Variants in PIP4P2 observed in about 807,000 individuals in gnomAD.
The protein encoded by PIP4P2 is type 2 phosphatidylinositol 4,5-bisphosphate 4-phosphatase.
In PIP4P2, 19 loss-of-function variants were observed where a neutral mutation model predicts 33.3. That is an observed-to-expected ratio of 0.57 (90% CI 0.40 to 0.84). The LOEUF (loss-of-function observed/expected upper bound fraction) is 0.84. Among genes scored for constraint, PIP4P2 ranks in the 40% least tolerant of loss-of-function variants. The pLI is 0.00. For synonymous variants in PIP4P2, 110 were observed against 111.9 expected, an observed-to-expected ratio of 0.98 and a Z score of 0.11; for missense variants, 270 against 324.7, an observed-to-expected ratio of 0.83 and a Z score of 1.29.
chr8:91,022,109 T>G (rs1186063120), intron 1 of PIP4P2, among the ~76,000 whole-genome samples: 1 of 152,140 alleles, frequency 6.6e-6, no homozygotes, highest in Non-Finnish European at 1.5e-5. Context: ...AAATGTAGTA[T>G]GTGGGATTAA....
intron 1 of PIP4P2, among the ~76,000 whole-genome samples, chr8:91,032,780 C>CAA (rs34482470): frequency 2.1e-4 from 21 of 98,632 alleles, no homozygotes; most frequent in African/African-American, 4.5e-4. Flanking sequence ...GAGTCTGTCT[C>CAA]AAAAAAAAAA....
intron 4 of PIP4P2, among the ~76,000 whole-genome samples, chr8:91,011,517 A>G (rs1811837055): frequency 6.6e-6 from 1 of 152,056 alleles, no homozygotes; most frequent in Admixed American, 6.6e-5. Context: ...AAATGTTTGG[A>G]CATACAACAT....
At chr8:91,008,860 C>G in intron 4 of PIP4P2, 65 bp from the exon 5 acceptor site, 1 of 1,390,220 alleles carries the variant, frequency 7.2e-7, no homozygotes, top group Non-Finnish European at 1.0e-6. Flanking sequence ...TCTGATAAGA[C>G]ATTTCTTTTA....
At chr8:91,004,226 G>C (rs1245798058) in intron 5 of PIP4P2, among the ~76,000 whole-genome samples, 2 of 152,098 alleles carry the variant, frequency 1.3e-5, no homozygotes, top group African/African-American at 4.8e-5. Flanking sequence ...GTACGTCCCA[G>C]AGTCCAAAGG....
intron 5 of PIP4P2, among the ~76,000 whole-genome samples, chr8:91,004,944 GATCA>G (rs1394678992): frequency 6.6e-6 from 1 of 151,982 alleles, no homozygotes; most frequent in African/African-American, 2.4e-5. Context: ...TAGGAATATA[GATCA>G]ATTTAGATAA....
In PIP4P2 at chr8:90,995,747, A is replaced by C. The variant is rs1229468184; in HGVS notation, c.704T>G (p.Leu235Trp). ...ATAACAAGCTCGGATAAGGCAGATC[A>C]ATCCTAGGAGATAAGCAATTGCCCA... ...VSWAIAYLLG[L>W]ICLIRACYWG... The change falls in exon 7 of 7, where the codon TTG becomes TGG. Residue 235 changes from leucine to tryptophan, a missense_variant. Transcript: ENST00000285419. The C allele has an allele frequency of 6.2e-7, 1 of 1,613,414 alleles. No homozygotes were observed. The highest frequency in any genetic ancestry group is 8.5e-7 in the Non-Finnish European group (1 of 1,179,634).
intron 1 of PIP4P2, among the ~76,000 whole-genome samples, chr8:91,027,074 A>G (rs1812094630): frequency 6.6e-6 from 1 of 152,234 alleles, no homozygotes; most frequent in African/African-American, 2.4e-5. Flanking sequence ...AGTATCACTT[A>G]TTTCTAATAA....
intron 5 of PIP4P2, among the ~76,000 whole-genome samples, chr8:91,007,760 C>T (rs1811781586): frequency 6.6e-6 from 1 of 152,152 alleles, no homozygotes; most frequent in African/African-American, 2.4e-5. Context: ...CCATCATTCC[C>T]TAACTGGTAA....
chr8:91,027,957 C>T (rs1484789699), intron 1 of PIP4P2, among the ~76,000 whole-genome samples: 1 of 152,186 alleles, frequency 6.6e-6, no homozygotes, highest in South Asian at 2.1e-4. Flanking sequence ...TGGTTTCCCT[C>T]CAATGCAGAC....
intron 1 of PIP4P2, among the ~76,000 whole-genome samples, chr8:91,034,683 A>G (rs1011188751): frequency 6.6e-6 from 1 of 152,146 alleles, no homozygotes; most frequent in Non-Finnish European, 1.5e-5. Flanking sequence ...CATTGTGACA[A>G]TCTGGCTTCC....
intron 1 of PIP4P2, among the ~76,000 whole-genome samples, chr8:91,032,311 A>G (rs1812173855): frequency 6.6e-6 from 1 of 152,220 alleles, no homozygotes; most frequent in South Asian, 2.1e-4. Flanking sequence ...GAAAAAATCT[A>G]GAAAAGTTCA....
Position 91,021,419 on chromosome 8 carries a change from G to C in PIP4P2, c.107-15C>G, listed in dbSNP as rs1381997604. The C allele has an allele frequency of 6.2e-7, 1 of 1,612,270 alleles. No individual in the cohort carries two copies. The highest frequency in any genetic ancestry group is 1.3e-5 in the African/African-American group (1 of 74,896). ...TGGGAGCTCCGCTGAAAAGATATTA[G>C]TCACTGAATCAGAGTCTTGGAGAAA... is the stretch of plus-strand genomic sequence containing the variant. On this transcript the variant is annotated splice_polypyrimidine_tract_variant and intron_variant, in intron 1 of 6. Transcript: ENST00000285419.
In PIP4P2 at chr8:91,040,725, G is replaced by A. The variant is rs1209676123; in HGVS notation, c.25C>T (p.Arg9Cys). Residue 9 changes from arginine to cysteine, a missense_variant, in exon 1 of 7, where the codon CGC becomes TGC. Transcript: ENST00000285419. MAADGVDE[R>C]SPLLSASHSG... Reference sequence around the variant, plus strand: ...TGGGATGCTGACAGCAGAGGCGAGCGTTCGTCCACCCCATCAGCAGCCATG... The same window carrying A: ...TGGGATGCTGACAGCAGAGGCGAGCATTCGTCCACCCCATCAGCAGCCATG... 9 of 1,612,560 alleles carry A rather than the reference G, an allele frequency of 5.6e-6. No individual in the cohort carries two copies. Among genetic ancestry groups the A allele is most frequent in the Non-Finnish European group, 7.6e-6 (9 of 1,180,000 alleles).
intron 4 of PIP4P2, among the ~76,000 whole-genome samples, chr8:91,014,888 C>T (rs1472675774): frequency 2.6e-5 from 4 of 151,712 alleles, no homozygotes; most frequent in African/African-American, 7.3e-5. Flanking sequence ...AGGCTGTACA[C>T]CTCAAATATA....
chr8:91,028,043 A>G (rs1010536388), intron 1 of PIP4P2, among the ~76,000 whole-genome samples: 2 of 152,224 alleles, frequency 1.3e-5, no homozygotes, highest in African/African-American at 4.8e-5. Context: ...TCCTGGAGTA[A>G]CAGGCCAAAT....
rs1250092271 is a variant in PIP4P2 at position 91,023,677 on chromosome 8, A to G, written c.107-2273T>C. On this transcript the variant is annotated intron_variant, in intron 1 of 6. Coordinates refer to ENST00000285419, the MANE Select transcript of PIP4P2 (RefSeq NM_018710.3). ...AAGCAGTGAAGATTATAAATCTAAT[A>G]TAAGAGAGACCATAAGCTCCACGAG... Among the ~76,000 whole-genome samples, 6 of 152,174 alleles carry G rather than the reference A, an allele frequency of 3.9e-5. No individual in the cohort carries two copies. In the South Asian group the frequency reaches 1.0e-3, roughly 26 times the overall value.
chr8:91,006,634 G>A (rs1034101950), intron 5 of PIP4P2, among the ~76,000 whole-genome samples: 1 of 152,136 alleles, frequency 6.6e-6, no homozygotes, highest in Admixed American at 6.5e-5. Context: ...TATATATAAA[G>A]CAACTATCAC....
intron 1 of PIP4P2, among the ~76,000 whole-genome samples, chr8:91,029,245 C>T (rs1186424474): frequency 6.6e-6 from 1 of 151,658 alleles, no homozygotes; most frequent in African/African-American, 2.4e-5. Context: ...GAGCCAAGAT[C>T]GTGCTATTGC....
At chr8:91,003,701 G>A (rs1354064324) in intron 5 of PIP4P2, among the ~76,000 whole-genome samples, 1 of 151,832 alleles carries the variant, frequency 6.6e-6, no homozygotes, top group African/African-American at 2.4e-5. Context: ...GAAATATCTG[G>A]GGTCATTTAA....
Sources: gnomAD v4.1 joint callset for allele counts (sites outside exome capture counted in the v4.1 genomes callset) on GRCh38, gnomAD v4.1.1 for gene constraint, MANE v1.5 for transcripts, NCBI Gene and HGNC (gene_info 2026-07-23, HGNC 2026-07-21) for gene names.